The following CADM2 variants were observed in gnomAD, a reference collection of about 807,000 sequenced individuals.
The protein encoded by CADM2 is immunoglobulin superfamily member 4D.
In CADM2, 12 loss-of-function variants were observed where a neutral mutation model predicts 49.8. The observed-to-expected ratio is 0.24, with a 90% CI of 0.15 to 0.39. The LOEUF is 0.39. Among genes scored for constraint, CADM2 ranks in the 10% least tolerant of loss-of-function variants. CADM2 has a pLI of 1.00. For missense variants in CADM2, 378 were observed against 492.3 expected (o/e 0.77, Z 2.20); for synonymous variants, 214 against 175.4 (o/e 1.22, Z -1.74).
intron 1 of CADM2, among the ~76,000 whole-genome samples, chr3:85,370,265 T>A (rs932896087): frequency 3.2e-5 from 4 of 124,918 alleles, no homozygotes; most frequent in South Asian, 5.4e-4. Flanking sequence ...AATAAAATTT[T>A]AAAAAATAAC....
chr3:85,520,031 C>T (rs567464993), intron 1 of CADM2, among the ~76,000 whole-genome samples: 1 of 152,084 alleles, frequency 6.6e-6, no homozygotes, highest in African/African-American at 2.4e-5. Context: ...AATCTACCAA[C>T]AGTACTATTG....
chr3:85,797,845 A>C (rs1449496816), intron 2 of CADM2, among the ~76,000 whole-genome samples: 1 of 152,200 alleles, frequency 6.6e-6, no homozygotes, highest in Non-Finnish European at 1.5e-5. Flanking sequence ...ACTGCCTTCC[A>C]CAATGGTTGA....
At chr3:85,665,025 G>A (rs900511402) in intron 1 of CADM2, among the ~76,000 whole-genome samples, 1 of 151,904 alleles carries the variant, frequency 6.6e-6, no homozygotes, top group African/African-American at 2.4e-5. Context: ...AAAATTTTCA[G>A]AACTTTAAAA....
chr3:85,881,922 G>T (rs1362063431), intron 3 of CADM2, among the ~76,000 whole-genome samples: 1 of 152,120 alleles, frequency 6.6e-6, no homozygotes, highest in Non-Finnish European at 1.5e-5. Context: ...CATATCCAGA[G>T]TTCACAATAG....
At chr3:85,622,084 G>C (rs568037343) in intron 1 of CADM2, among the ~76,000 whole-genome samples, 2 of 152,184 alleles carry the variant, frequency 1.3e-5, no homozygotes, top group South Asian at 2.1e-4. Context: ...TACCTTATGT[G>C]GATAGTCTAT....
At chr3:86,012,602 A>C (rs1185184717) in intron 8 of CADM2, 3 of 1,579,022 alleles carry the variant, frequency 1.9e-6, no homozygotes, top group Admixed American at 3.5e-5. Context: ...CGCGAAGCGC[A>C]CGCAGTCCGA....
intron 8 of CADM2, among the ~76,000 whole-genome samples, chr3:86,048,687 A>G (rs1048262828): frequency 2.0e-5 from 3 of 152,108 alleles, no homozygotes; most frequent in African/African-American, 4.8e-5. Flanking sequence ...TCCATTAACA[A>G]TGTTCTTAAG....
chr3:85,796,897 C>A (rs1488587958), intron 2 of CADM2, among the ~76,000 whole-genome samples: 1 of 151,886 alleles, frequency 6.6e-6, no homozygotes, highest in African/African-American at 2.4e-5. Flanking sequence ...GAGATCAAGA[C>A]CATCCTGGCC....
intron 1 of CADM2, among the ~76,000 whole-genome samples, chr3:84,970,700 G>T (rs146598421): frequency 3.3e-5 from 5 of 152,006 alleles, no homozygotes; most frequent in African/African-American, 1.2e-4. Context: ...GATTCTTGCC[G>T]CTTTATACAG....
chr3:85,614,319 A>G (rs958242178), intron 1 of CADM2, among the ~76,000 whole-genome samples: 2 of 151,644 alleles, frequency 1.3e-5, no homozygotes, highest in African/African-American at 4.8e-5. Context: ...TTTACTTTAT[A>G]TATCTCCTTA....
At chr3:85,630,140 G>T (rs1035124927) in intron 1 of CADM2, among the ~76,000 whole-genome samples, 41 of 152,024 alleles carry the variant, frequency 2.7e-4, no homozygotes, top group Middle Eastern at 3.4e-3. Context: ...AGGTATGTTG[G>T]CTGTGAGAAT....
intron 1 of CADM2, among the ~76,000 whole-genome samples, chr3:84,965,099 A>G (rs1199012036): frequency 6.6e-6 from 1 of 152,246 alleles, no homozygotes; most frequent in African/African-American, 2.4e-5. Context: ...TTCATAAAAA[A>G]TGAAGGACAC....
intron 1 of CADM2, among the ~76,000 whole-genome samples, chr3:85,557,125 A>G (rs1241601262): frequency 1.3e-5 from 2 of 152,046 alleles, no homozygotes; most frequent in African/African-American, 4.8e-5. Context: ...TGTCACAATC[A>G]GATTTATCTT....
At chr3:85,996,070 A>G (rs1443276470) in intron 8 of CADM2, among the ~76,000 whole-genome samples, 2 of 151,334 alleles carry the variant, frequency 1.3e-5, no homozygotes, top group African/African-American at 2.4e-5. Context: ...AGCCTGGGCG[A>G]CAGAGCAAGA....
At chr3:85,458,972 T>G (rs2038116824) in intron 1 of CADM2, among the ~76,000 whole-genome samples, 2 of 152,176 alleles carry the variant, frequency 1.3e-5, no homozygotes, top group Non-Finnish European at 2.9e-5. Context: ...TTGCAATACT[T>G]CAGACAATTC....
At chr3:85,532,919 C>G (rs570278148) in intron 1 of CADM2, among the ~76,000 whole-genome samples, 1 of 152,146 alleles carries the variant, frequency 6.6e-6, no homozygotes, top group Non-Finnish European at 1.5e-5. Flanking sequence ...AAACCAAATA[C>G]CACATGTTCT....
intron 1 of CADM2, among the ~76,000 whole-genome samples, chr3:85,288,080 A>G (rs1041403297): frequency 6.6e-6 from 1 of 151,726 alleles, no homozygotes; most frequent in Admixed American, 6.6e-5. Flanking sequence ...CATATACCCT[A>G]AAACTTAAAA....
rs182926716 is a variant in CADM2 at position 85,666,293 on chromosome 3, A to G, written c.62-60229A>G. 2.0e-5 allele frequency among the ~76,000 whole-genome samples: 3 copies of G among 152,108 alleles called. No individual in the cohort carries two copies. The East Asian group carries it at 5.8e-4, about 29-fold the overall frequency. On this transcript the variant is annotated intron_variant, in intron 1 of 9. Transcript: ENST00000383699. ...TTCAGTGTTACGTATCTCAATGTTA[A>G]TATCTCACTGCGAAATTGTTGCAGC...
intron 1 of CADM2, among the ~76,000 whole-genome samples, chr3:85,194,029 G>A (rs1022464228): frequency 2.6e-5 from 4 of 152,010 alleles, no homozygotes; most frequent in African/African-American, 9.7e-5. Flanking sequence ...TGTATAACAG[G>A]GATTTTACCC....
Sources: gnomAD v4.1 joint callset for allele counts (sites outside exome capture counted in the v4.1 genomes callset) on GRCh38, gnomAD v4.1.1 for gene constraint, MANE v1.5 for transcripts, NCBI Gene and HGNC (gene_info 2026-07-23, HGNC 2026-07-21) for gene names.